MACF1: variants seen among roughly 807,000 people sequenced by gnomAD.
The protein encoded by MACF1 is microtubule actin crosslinking factor 1, also known as microtubule-actin cross-linking factor 1.
In MACF1, 193 loss-of-function variants were observed where a neutral mutation model predicts 854.8. That is an observed-to-expected ratio of 0.23 (90% confidence interval 0.20 to 0.25). MACF1 has a LOEUF of 0.25. MACF1 is among the 10% of genes least tolerant of loss of function. The probability of loss-of-function intolerance (pLI) is 1.00; values close to 1 mark genes in which losing one functional copy is unlikely to be tolerated. For missense variants in MACF1, 7,722 were observed against 8,929.1 expected (o/e 0.86, Z 5.45); for synonymous variants, 3,185 against 3,226.7 (o/e 0.99, Z 0.44).
At chr1:39,269,809 G>T (rs1212111442) in intron 6 of MACF1, 2 of 1,087,430 alleles carry the variant, frequency 1.8e-6, no homozygotes, top group African/African-American at 3.3e-5. Flanking sequence ...GAGCAGTGAG[G>T]ATGTTGGTGC....
At chr1:39,163,856 A>T (rs896993731) in intron 2 of MACF1, among the ~76,000 whole-genome samples, 1 of 152,066 alleles carries the variant, frequency 6.6e-6, no homozygotes, top group Non-Finnish European at 1.5e-5. Context: ...TTTTTTTCTG[A>T]TGTTAAATGA....
chr1:39,366,896 G>A (rs990306628), intron 49 of MACF1, among the ~76,000 whole-genome samples: 2 of 148,808 alleles, frequency 1.3e-5, no homozygotes, highest in African/African-American at 2.5e-5. Flanking sequence ...CTCCTGCCTC[G>A]GCCTCCCAAA....
At position 39,410,936 on chromosome 1, in the gene MACF1, A is replaced by C. The variant is rs772840268; in HGVS notation, c.15817-11438A>C. On this transcript the variant is annotated intron_variant, in intron 58 of 100. Coordinates refer to ENST00000564288, the MANE Select transcript of MACF1 (RefSeq NM_001394062.1). ...TGCCAGGACTTTAGATTTCAGCAGC[A>C]CAGTGCAAACCCTCCTCATGAATTC... The C allele has an allele frequency of 5.6e-6, 9 of 1,613,886 alleles. No individual in the cohort carries two copies. In the Admixed American group the frequency reaches 1.3e-4, roughly 24 times the overall value.
Position 39,340,568 on chromosome 1 carries a change from A to C in MACF1, c.10282A>C (p.Ile3428Leu), listed in dbSNP as rs1435402771. Reference protein sequence around the residue: ...VSQELECVNQIIISQPQEVPA... With the variant: ...VSQELECVNQLIISQPQEVPA... ...TCAGGAGCTGGAGTGTGTGAATCAG[A>C]TTATCATCAGCCAGCCTCAAGAAGT... The change falls in exon 39 of 101, where the codon ATT (isoleucine) becomes CTT (leucine). Residue 3428 changes from isoleucine to leucine, a missense_variant. Coordinates refer to ENST00000564288, the MANE Select transcript of MACF1 (RefSeq NM_001394062.1). The C allele has an allele frequency of 2.5e-6, 4 of 1,614,150 alleles. No individual in the cohort carries two copies. The South Asian group carries it at 4.4e-5, about 18-fold the overall frequency.
chr1:39,422,724 A>G lies in MACF1; in HGVS notation c.15979-6A>G. ...CTCATAATGAACCTACATGTTCATG[A>G]TACAGGTCGCACAAAGAATTGCACA... is the stretch of plus-strand genomic sequence containing the variant. On this transcript the variant is annotated splice_polypyrimidine_tract_variant and splice_region_variant and intron_variant, in intron 59 of 100. Coordinates refer to ENST00000564288, the MANE Select transcript of MACF1 (RefSeq NM_001394062.1). 1.9e-6 allele frequency: 3 copies of G among 1,613,700 alleles called. No individual in the cohort carries two copies. The highest frequency in any genetic ancestry group is 2.5e-6 in the Non-Finnish European group (3 of 1,179,580).
rs564211181 is a variant in MACF1, at chr1:39,251,832, G to C, written c.262-14G>C. 1 of 1,367,448 alleles carries C rather than the reference G, an allele frequency of 7.3e-7. No homozygotes were observed. Among genetic ancestry groups the C allele is most frequent in the East Asian group, 2.9e-5 (1 of 34,088 alleles). 84.7% of individuals were successfully genotyped at this position (1,367,448 alleles called of 1,614,324 possible). On this transcript the variant is annotated splice_polypyrimidine_tract_variant and intron_variant, in intron 3 of 100. Transcript: ENST00000564288. ...GTTCCTCTATTGTGTCTTTGCCTTG[G>C]TTGGTGGCCAAAGGAGCCAGCAGGG...
chr1:39,319,093 C>T (rs995870932), intron 30 of MACF1, among the ~76,000 whole-genome samples: 9 of 151,768 alleles, frequency 5.9e-5, no homozygotes, highest in African/African-American at 1.9e-4. Flanking sequence ...CCAATTCTGG[C>T]TCACTTACCT....
intron 97 of MACF1, among the ~76,000 whole-genome samples, chr1:39,475,157 C>T (rs1053907216): frequency 1.3e-5 from 2 of 152,150 alleles, no homozygotes; most frequent in Non-Finnish European, 2.9e-5. Context: ...CAAGTTAAAG[C>T]TCTCCCAAGC....
At chr1:39,464,024 T>A in intron 94 of MACF1, 1 of 226,142 alleles carries the variant, frequency 4.4e-6, no homozygotes, top group Non-Finnish European at 9.1e-6. Flanking sequence ...AGATGGTCAT[T>A]GTGAGCCTGA....
At position 39,460,203 on chromosome 1, in the gene MACF1, C is replaced by T. The variant is rs984938587; in HGVS notation, c.21361-429C>T. 2.0e-5 allele frequency among the ~76,000 whole-genome samples: 3 copies of T among 152,164 alleles called. No homozygotes were observed. The highest frequency in any genetic ancestry group is 3.2e-3 in the Middle Eastern group (1 of 316). On this transcript the variant is annotated intron_variant, in intron 91 of 100. Coordinates refer to ENST00000564288, the MANE Select transcript of MACF1 (RefSeq NM_001394062.1). This position sits in a 1 kb window ranked among gnomAD's most constrained non-coding sequence, Gnocchi z 4.1. ...AAATCTCAGAAGATAGTGGTAAACA[C>T]GAGCCTCCTGATATGAGCCCTATGT... is the stretch of plus-strand genomic sequence containing the variant.
chr1:39,280,642 A>G (rs1322142194), intron 6 of MACF1, among the ~76,000 whole-genome samples: 10 of 152,138 alleles, frequency 6.6e-5, no homozygotes, highest in Admixed American at 2.6e-4. Flanking sequence ...CAGTGGCACA[A>G]TTTCAGCTCA....
At chr1:39,347,480 T>C (rs1166401604) in intron 41 of MACF1, among the ~76,000 whole-genome samples, 1 of 152,236 alleles carries the variant, frequency 6.6e-6, no homozygotes, top group African/African-American at 2.4e-5. Context: ...GTGAGACTTT[T>C]CCTTCGCTGT....
chr1:39,187,384 G>C (rs1380365225), intron 2 of MACF1, among the ~76,000 whole-genome samples: 3 of 152,088 alleles, frequency 2.0e-5, no homozygotes, highest in Non-Finnish European at 4.4e-5. Flanking sequence ...ACATCCCCCA[G>C]GAGCTTTCTC....
chr1:39,437,617 C>T (rs758861196), intron 70 of MACF1, 160 bp from the exon 71 acceptor site: 1 of 683,562 alleles, frequency 1.5e-6, no homozygotes, highest in Middle Eastern at 2.4e-4. Context: ...TGGCCCAAAA[C>T]AGTTTCTTAA....
chr1:39,240,934 C>A (rs1644914727), intron 2 of MACF1, among the ~76,000 whole-genome samples: 1 of 152,186 alleles, frequency 6.6e-6, no homozygotes, highest in African/African-American at 2.4e-5. Context: ...AAGAACCTCA[C>A]ACTTTGTTCC....
At chr1:39,128,154 C>T (rs1642908750) in intron 2 of MACF1, among the ~76,000 whole-genome samples, 1 of 152,120 alleles carries the variant, frequency 6.6e-6, no homozygotes, top group Admixed American at 6.6e-5. Flanking sequence ...CTCTTCTTGA[C>T]TCATGAGCCT....
rs907492690 is a variant in MACF1 at position 39,387,702 on chromosome 1, A to G, written c.14860A>G (p.Lys4954Glu). ...RSKAMLNEVE[K>E]RRSLLEILNS... ...AAAGGCTATGCTGAATGAGGTGGAG[A>G]AGCGCCGCTCCCTGCTGGAAATATT... Residue 4954 changes from lysine to glutamate, a missense_variant, in exon 58 of 101, where the codon AAG becomes GAG. Around this residue, in one of 15 missense-constraint regions of MACF1, gnomAD observed 2,807 missense variants for 3,235.8 expected, o/e 0.87. Coordinates refer to ENST00000564288, the MANE Select transcript of MACF1 (RefSeq NM_001394062.1). 2 of 1,613,954 alleles carry G rather than the reference A, an allele frequency of 1.2e-6. No homozygotes were observed. The highest frequency in any genetic ancestry group is 1.3e-5 in the African/African-American group (1 of 74,876).
intron 2 of MACF1, chr1:39,154,058 A>G (rs1410012567): frequency 6.6e-6 from 1 of 152,154 alleles, no homozygotes; most frequent in East Asian, 1.9e-4. Context: ...CCTCAAAGAA[A>G]ATCAGTGTAT....
intron 58 of MACF1, 105 bp from the exon 59 acceptor site, chr1:39,422,269 C>A: frequency 1.2e-6 from 1 of 808,658 alleles, no homozygotes; most frequent in Non-Finnish European, 1.9e-6. Context: ...TATTCCTGGT[C>A]GTCTTTCATT....
Sources: gnomAD v4.1 joint callset for allele counts (sites outside exome capture counted in the v4.1 genomes callset) on GRCh38, gnomAD v4.1.1 for gene constraint, gnomAD v4.1.1 regional missense constraint, Gnocchi (gnomAD v3.1) non-coding constraint, MANE v1.5 for transcripts, NCBI Gene and HGNC (gene_info 2026-07-23, HGNC 2026-07-21) for gene names.